Variants in NKX6-1 observed in about 807,000 individuals in gnomAD.
NKX6-1 encodes the protein NK6 homeobox 1, also known as homeobox protein Nkx-6.1.
Under a neutral mutation model 24.9 loss-of-function variants are expected in NKX6-1, and 11 were observed. The ratio of observed to expected loss-of-function variants is 0.44; its 90% CI spans 0.28 to 0.73. The LOEUF (loss-of-function observed/expected upper bound fraction) is 0.73. Ranked by LOEUF, NKX6-1 falls within the 30% of genes least tolerant of loss-of-function variation. The pLI is 0.15. For synonymous variants in NKX6-1, 277 were observed against 242.9 expected, an observed-to-expected ratio of 1.14 and a Z score of -1.31; for missense variants, 487 against 502.9, an observed-to-expected ratio of 0.97 and a Z score of 0.30.
rs1367797618 is a variant in NKX6-1, at chr4:84,493,263, C to A, written c.*26G>T. ...CGGCCCCAGAGGTGGAGGCCGGAGCCGGGAAGGTGCGGCGGGCGGCGGCGT... is the reference window on the plus strand; with the variant it reads ...CGGCCCCAGAGGTGGAGGCCGGAGCAGGGAAGGTGCGGCGGGCGGCGGCGT... On this transcript the variant is annotated 3_prime_UTR_variant, in exon 3 of 3. Transcript: ENST00000295886. This position sits in a 1 kb window ranked among gnomAD's most constrained non-coding sequence, Gnocchi z 5.1. 2 of 1,539,480 alleles carry A rather than the reference C, an allele frequency of 1.3e-6. No individual in the cohort carries two copies. The highest frequency in any genetic ancestry group is 1.4e-5 in the African/African-American group (1 of 71,746).
rs554305633 is a variant in NKX6-1 at position 84,498,318 on chromosome 4, C to A, written c.-90G>T. 122 of 1,252,732 alleles carry A rather than the reference C, an allele frequency of 9.7e-5. 1 individual carries two copies. In the East Asian group the frequency reaches 3.7e-3, roughly 38 times the overall value. 77.6% of individuals were successfully genotyped at this position (1,252,732 alleles called of 1,614,324 possible). A position where few individuals can be genotyped will look rare whatever the true frequency, so the allele number is the denominator to read the frequency against. On this transcript the variant is annotated 5_prime_UTR_variant, in exon 1 of 3. Transcript: ENST00000295886. ...TCAGAGGAGCCGGAAGCGCCGAGGG[C>A]GCGAGCGGAGAGGCACTCGGCGCGC...
chr4:84,498,514 C>A lies in NKX6-1; in HGVS notation c.-286G>T. 1 of 376,386 alleles carries A rather than the reference C, an allele frequency of 2.7e-6. No individual in the cohort carries two copies. Among genetic ancestry groups the A allele is most frequent in the Non-Finnish European group, 4.7e-6 (1 of 212,322 alleles). The allele number at this position is 376,386 out of a possible 1,614,324, so 23.3% of individuals were successfully genotyped here. The stretch of plus-strand genomic sequence containing the variant: ...CGTTCCGCGAGTCCTAGATTCGATC[C>A]CTGGCTATTCTCTCTTCCTCACTTT... On this transcript the variant is annotated 5_prime_UTR_variant, in exon 1 of 3. Transcript: ENST00000295886.
chr4:84,497,965 C>T lies in NKX6-1; in HGVS notation c.264G>A (p.Gln88=), dbSNP rs1203775569. The change falls in exon 1 of 3, where the codon CAG becomes CAA. Residue 88 remains glutamine, a synonymous_variant. Transcript: ENST00000295886. This position sits in a 1 kb window ranked among gnomAD's most constrained non-coding sequence, Gnocchi z 4.8. ...GGLSSLGSPP[Q]QLSAATPHGI... is the part of the protein sequence containing the mutation. ...CGTGTGGGGTGGCGGCCGAGAGCTG[C>T]TGCGGGGGGCTGCCGAGGGATGAGA... 6 of 1,297,828 alleles carry T rather than the reference C, an allele frequency of 4.6e-6. No homozygotes were observed. The highest frequency in any genetic ancestry group is 2.1e-4 in the Middle Eastern group (1 of 4,848). The allele number at this position is 1,297,828 out of a possible 1,614,324, so 80.4% of individuals were successfully genotyped here.
chr4:84,492,171 A>G lies in NKX6-1; in HGVS notation c.*1118T>C, dbSNP rs932059841. 6.6e-6 allele frequency: 1 copy of G among 152,250 alleles called. No individual in the cohort carries two copies. Among genetic ancestry groups the G allele is most frequent in the Admixed American group, 6.5e-5 (1 of 15,286 alleles). 9.4% of individuals were successfully genotyped at this position (152,250 alleles called of 1,614,324 possible). A position where few individuals can be genotyped will look rare whatever the true frequency, so the allele number is the denominator to read the frequency against. Reference sequence around the variant, plus strand: ...AAAGAAAACAATTTACATATTCTATAGTATTCTTATGATACAAAACACTTC... The same window carrying G: ...AAAGAAAACAATTTACATATTCTATGGTATTCTTATGATACAAAACACTTC... On this transcript the variant is annotated 3_prime_UTR_variant, in exon 3 of 3. Transcript: ENST00000295886.
chr4:84,497,826 A>C lies in NKX6-1; in HGVS notation c.403T>G (p.Ser135Ala), dbSNP rs1288212485. The change falls in exon 1 of 3, where the codon TCC (serine) becomes GCC (alanine). Residue 135 changes from serine (S) to alanine (A), a missense_variant. Coordinates refer to ENST00000295886, the MANE Select transcript of NKX6-1 (RefSeq NM_006168.3). The surrounding 1 kb of genome is among the most constrained non-coding windows in gnomAD (Gnocchi z 4.8). ...GCAGCCGCGGCGGCGGCAGAGGCGG[A>C]GGAGGCAGAGGCGGACGAGGAAGAG... is the stretch of plus-strand genomic sequence containing the variant. ...SSSSSSASASSASAAAAAAAA... is the reference protein window; with the variant it reads ...SSSSSSASASAASAAAAAAAA... 24 of 1,269,668 alleles carry C rather than the reference A, an allele frequency of 1.9e-5. No homozygotes were observed. In the South Asian group the frequency reaches 4.2e-4, roughly 22 times the overall value. 78.7% of individuals were successfully genotyped at this position (1,269,668 alleles called of 1,614,324 possible).
intron 2 of NKX6-1, among the ~76,000 whole-genome samples, chr4:84,494,165 G>A (rs1313930475): frequency 7.7e-6 from 1 of 130,538 alleles, no homozygotes; most frequent in African/African-American, 3.1e-5. Context: ...TGCAATGTAT[G>A]GTGCACTTCA....
In NKX6-1 at chr4:84,493,685, C is replaced by A. The variant is rs955327096; in HGVS notation, c.844-136G>T. 9.2e-7 allele frequency: 1 copy of A among 1,088,952 alleles called. No homozygotes were observed. The highest frequency in any genetic ancestry group is 2.7e-5 in the Admixed American group (1 of 37,070). 67.5% of individuals were successfully genotyped at this position (1,088,952 alleles called of 1,614,324 possible). On this transcript the variant is annotated intron_variant, in intron 2 of 2. Coordinates refer to ENST00000295886, the MANE Select transcript of NKX6-1 (RefSeq NM_006168.3). This position sits in a 1 kb window ranked among gnomAD's most constrained non-coding sequence, Gnocchi z 5.1. ...AAGGCCTGCTGCCCTCCCTCGCAGC[C>A]CTCCCTTTTCTCGGCCGTCAAAGTC...
At position 84,497,610 on chromosome 4, in the gene NKX6-1, C is replaced by T; in HGVS notation, c.619G>A (p.Gly207Arg). 2 of 1,279,484 alleles carry T rather than the reference C, an allele frequency of 1.6e-6. No homozygotes were observed. The highest frequency in any genetic ancestry group is 2.0e-6 in the Non-Finnish European group (2 of 1,008,272). 79.3% of individuals were successfully genotyped at this position (1,279,484 alleles called of 1,614,324 possible). A position where few individuals can be genotyped will look rare whatever the true frequency, so the allele number is the denominator to read the frequency against. ...CTCCAGGGCGGGCTCTGCATCACTC[C>T]GGGCCAGAAGATGGGCGTCCGGCCA... is the stretch of plus-strand genomic sequence containing the variant. ...LPGRTPIFWP[G>R]VMQSPPWRDA... is the part of the protein sequence containing the mutation. Residue 207 changes from glycine to arginine, a missense_variant, in exon 1 of 3, where the codon GGA (glycine) becomes AGA (arginine). Around this residue, in one of 3 missense-constraint regions of NKX6-1, gnomAD observed 316 missense variants for 311.4 expected, o/e 1.01. Transcript: ENST00000295886. This position sits in a 1 kb window ranked among gnomAD's most constrained non-coding sequence, Gnocchi z 4.8.
Position 84,497,182 on chromosome 4 carries a change from C to T in NKX6-1, c.670+377G>A, listed in dbSNP as rs79966004. ...CAGAGATGCAGTGGCCTCTCCTCCC[C>T]TCTCCTCCCCATCTTTCTAATCCAG... On this transcript the variant is annotated intron_variant, in intron 1 of 2. Transcript: ENST00000295886. The surrounding 1 kb of genome is among the most constrained non-coding windows in gnomAD (Gnocchi z 4.8). 4.7e-4 allele frequency among the ~76,000 whole-genome samples: 72 copies of T among 152,232 alleles called. 1 individual carries two copies. The East Asian group carries it at 8.6e-3, about 18-fold the overall frequency.
In NKX6-1 at chr4:84,493,279, G is replaced by C. The variant is rs112116530; in HGVS notation, c.*10C>G. The C allele has an allele frequency of 2.1e-6, 3 of 1,432,386 alleles. No homozygotes were observed. The highest frequency in any genetic ancestry group is 2.7e-6 in the Non-Finnish European group (3 of 1,099,038). 88.7% of individuals were successfully genotyped at this position (1,432,386 alleles called of 1,614,324 possible). A position where few individuals can be genotyped will look rare whatever the true frequency, so the allele number is the denominator to read the frequency against. ...GGCCGGAGCCGGGAAGGTGCGGCGGGCGGCGGCGTTCAGGATGAGCTCTCC... is the reference window on the plus strand; with the variant it reads ...GGCCGGAGCCGGGAAGGTGCGGCGGCCGGCGGCGTTCAGGATGAGCTCTCC... On this transcript the variant is annotated 3_prime_UTR_variant, in exon 3 of 3. Coordinates refer to ENST00000295886, the MANE Select transcript of NKX6-1 (RefSeq NM_006168.3). This position sits in a 1 kb window ranked among gnomAD's most constrained non-coding sequence, Gnocchi z 5.1.
Position 84,497,836 on chromosome 4 carries a change from G to C in NKX6-1, c.393C>G (p.Ala131=), listed in dbSNP as rs1383969357. 1.6e-6 allele frequency: 2 copies of C among 1,271,634 alleles called. No individual in the cohort carries two copies. Among genetic ancestry groups the C allele is most frequent in the Non-Finnish European group, 2.0e-6 (2 of 1,013,146 alleles). The allele number at this position is 1,271,634 out of a possible 1,614,324, so 78.8% of individuals were successfully genotyped here. Reference sequence around the variant, plus strand: ...CGGCGGCAGAGGCGGAGGAGGCAGAGGCGGACGAGGAAGAGGAGGAGGAGG... The same window carrying C: ...CGGCGGCAGAGGCGGAGGAGGCAGACGCGGACGAGGAAGAGGAGGAGGAGG... ...SGSSSSSSSS[A]SASSASAAAA... Residue 131 remains alanine, a synonymous_variant, in exon 1 of 3, where the codon GCC becomes GCG. Coordinates refer to ENST00000295886, the MANE Select transcript of NKX6-1 (RefSeq NM_006168.3). The surrounding 1 kb of genome is among the most constrained non-coding windows in gnomAD (Gnocchi z 4.8).
rs980555146 is a variant in NKX6-1, at chr4:84,499,259, G to C, written c.-1031C>G. ...TCTCTCCTTTCCTCTCTCCCTCCGG[G>C]CCTGACAGTTCAGATGAAGCTCTCA... On this transcript the variant is annotated 5_prime_UTR_variant, in exon 1 of 3. Coordinates refer to ENST00000295886, the MANE Select transcript of NKX6-1 (RefSeq NM_006168.3). Among the ~76,000 whole-genome samples the C allele has an allele frequency of 1.3e-5, 2 of 152,172 alleles. No homozygotes were observed. The highest frequency in any genetic ancestry group is 2.9e-5 in the Non-Finnish European group (2 of 68,040).
At position 84,493,547 on chromosome 4, in the gene NKX6-1, G is replaced by C. The variant is rs1356492612; in HGVS notation, c.846C>G (p.Val282=). 7 of 1,614,078 alleles carry C rather than the reference G, an allele frequency of 4.3e-6. No homozygotes were observed. The highest frequency in any genetic ancestry group is 1.3e-5 in the African/African-American group (1 of 75,042). The part of the protein sequence containing the change: ...SLGMTESQVK[V]WFQNRRTKWR... ...ACTTGGTCCGGCGGTTCTGGAACCA[G>C]ACCTGAGGGCGGAGAAAAGGGAGGA... Residue 282 remains valine (V), a splice_region_variant and synonymous_variant, in exon 3 of 3, where the codon GTC becomes GTG. Transcript: ENST00000295886. This position sits in a 1 kb window ranked among gnomAD's most constrained non-coding sequence, Gnocchi z 5.1.
Position 84,497,980 on chromosome 4 carries a change from G to C in NKX6-1, c.249C>G (p.Leu83=), listed in dbSNP as rs748078552. ...KPPATGGLSS[L]GSPPQQLSAA... The stretch of plus-strand genomic sequence containing the variant: ...CCGAGAGCTGCTGCGGGGGGCTGCC[G>C]AGGGATGAGAGCCCCCCCGTGGCCG... The change falls in exon 1 of 3, where the codon CTC becomes CTG. Residue 83 remains leucine, a synonymous_variant. Coordinates refer to ENST00000295886, the MANE Select transcript of NKX6-1 (RefSeq NM_006168.3). The surrounding 1 kb of genome is among the most constrained non-coding windows in gnomAD (Gnocchi z 4.8). 2.3e-6 allele frequency: 3 copies of C among 1,294,440 alleles called. No homozygotes were observed. The highest frequency in any genetic ancestry group is 2.8e-5 in the East Asian group (1 of 35,180). The allele number at this position is 1,294,440 out of a possible 1,614,324, so 80.2% of individuals were successfully genotyped here.
chr4:84,493,557 C>T lies in NKX6-1; in HGVS notation c.844-8G>A, dbSNP rs1285050340. On this transcript the variant is annotated splice_region_variant and splice_polypyrimidine_tract_variant and intron_variant, in intron 2 of 2. Transcript: ENST00000295886. The surrounding 1 kb of genome is among the most constrained non-coding windows in gnomAD (Gnocchi z 5.1). ...GCGGTTCTGGAACCAGACCTGAGGGCGGAGAAAAGGGAGGAGAGGGGAGGC... is the reference window on the plus strand; with the variant it reads ...GCGGTTCTGGAACCAGACCTGAGGGTGGAGAAAAGGGAGGAGAGGGGAGGC... 4 of 1,613,606 alleles carry T rather than the reference C, an allele frequency of 2.5e-6. No individual in the cohort carries two copies. Among genetic ancestry groups the T allele is most frequent in the African/African-American group, 1.3e-5 (1 of 74,916 alleles).
chr4:84,495,503 T>G (rs1299716542), intron 2 of NKX6-1, among the ~76,000 whole-genome samples, 169 bp downstream of exon 2: 1 of 152,202 alleles, frequency 6.6e-6, no homozygotes, highest in African/African-American at 2.4e-5. Context: ...GCCTTTGTAG[T>G]CCCCACCCTC....
rs977594149 is a variant in NKX6-1 at position 84,492,447 on chromosome 4, G to C, written c.*842C>G. 6.6e-6 allele frequency: 1 copy of C among 152,148 alleles called. No homozygotes were observed. The highest frequency in any genetic ancestry group is 1.5e-5 in the Non-Finnish European group (1 of 68,026). The allele number at this position is 152,148 out of a possible 1,614,324, so 9.4% of individuals were successfully genotyped here. A position where few individuals can be genotyped will look rare whatever the true frequency, so the allele number is the denominator to read the frequency against. On this transcript the variant is annotated 3_prime_UTR_variant, in exon 3 of 3. Coordinates refer to ENST00000295886, the MANE Select transcript of NKX6-1 (RefSeq NM_006168.3). ...TCCCACGTCTTCCACTTCAAGTCCG[G>C]GGGGCGGGAGCGCAGTGTAGATCCA...
chr4:84,491,985 T>C lies in NKX6-1; in HGVS notation c.*1304A>G, dbSNP rs970533970. On this transcript the variant is annotated 3_prime_UTR_variant, in exon 3 of 3. Coordinates refer to ENST00000295886, the MANE Select transcript of NKX6-1 (RefSeq NM_006168.3). ...ACCCTTTCATTCAAGGCAACAGACGTCTTCAAACTGTTTTTTTTAATTTGA... is the reference window on the plus strand; with the variant it reads ...ACCCTTTCATTCAAGGCAACAGACGCCTTCAAACTGTTTTTTTTAATTTGA... 1 of 152,208 alleles carries C rather than the reference T, an allele frequency of 6.6e-6. No homozygotes were observed. Among genetic ancestry groups the C allele is most frequent in the African/African-American group, 2.4e-5 (1 of 41,460 alleles). The allele number at this position is 152,208 out of a possible 1,614,324, so 9.4% of individuals were successfully genotyped here.
chr4:84,493,597 A>G lies in NKX6-1; in HGVS notation c.844-48T>C, dbSNP rs1006924338. ...AGAGGGGAGGCAAGGGCGAGGAATT[A>G]AACGAGCAGATCCAGGCCATGCTAC... On this transcript the variant is annotated intron_variant, in intron 2 of 2. Transcript: ENST00000295886. The surrounding 1 kb of genome is among the most constrained non-coding windows in gnomAD (Gnocchi z 5.1). 1.2e-6 allele frequency: 2 copies of G among 1,607,428 alleles called. No homozygotes were observed. The highest frequency in any genetic ancestry group is 2.7e-5 in the African/African-American group (2 of 74,758).
Sources: allele counts gnomAD v4.1 joint callset (sites outside exome capture counted in the v4.1 genomes callset), GRCh38; gene constraint gnomAD v4.1.1; regional missense constraint gnomAD v4.1.1; non-coding constraint Gnocchi (gnomAD v3.1); transcripts MANE v1.5; gene names NCBI Gene and HGNC (gene_info 2026-07-23, HGNC 2026-07-21).